CNBD1: variants seen among roughly 807,000 people sequenced by gnomAD.
CNBD1 encodes cyclic nucleotide binding domain containing 1.
Under a neutral mutation model 54.4 loss-of-function variants are expected in CNBD1, and 71 were observed. The ratio of observed to expected loss-of-function variants is 1.30; its 90% CI spans 1.08 to 1.59. The LOEUF is 1.59. Among genes scored for constraint, CNBD1 ranks in the 40% most tolerant of loss-of-function variants. The pLI, the probability that CNBD1 is intolerant of heterozygous loss-of-function variation, is 0.00. For synonymous variants in CNBD1, 182 were observed against 170.7 expected (o/e 1.07, Z -0.51); for missense variants, 659 against 518.0 (o/e 1.27, Z -2.64).
At chr8:87,364,543 G>T (rs957817852) in intron 10 of CNBD1, among the ~76,000 whole-genome samples, 2 of 151,500 alleles carry the variant, frequency 1.3e-5, no homozygotes, top group Non-Finnish European at 2.9e-5. Flanking sequence ...TGTTATATAG[G>T]TAAACTCATG....
intron 3 of CNBD1, among the ~76,000 whole-genome samples, chr8:86,917,336 A>C (rs1809203138): frequency 6.6e-6 from 1 of 152,158 alleles, no homozygotes; most frequent in South Asian, 2.1e-4. Context: ...TTAAAAAATA[A>C]CTTTTAGGTG....
At chr8:86,881,225 G>C (rs1808601702) in intron 1 of CNBD1, among the ~76,000 whole-genome samples, 1 of 152,138 alleles carries the variant, frequency 6.6e-6, no homozygotes, top group Non-Finnish European at 1.5e-5. Context: ...TAGTAAGAGA[G>C]GAAGTAAAAC....
intron 4 of CNBD1, among the ~76,000 whole-genome samples, chr8:87,036,638 C>T (rs902760441): frequency 4.7e-5 from 7 of 148,840 alleles, no homozygotes; most frequent in East Asian, 1.9e-4. Context: ...ACAGGTGTTC[C>T]GTATAGTTTT....
At chr8:87,009,443 G>A (rs1180270733) in intron 4 of CNBD1, among the ~76,000 whole-genome samples, 1 of 151,982 alleles carries the variant, frequency 6.6e-6, no homozygotes, top group Non-Finnish European at 1.5e-5. Flanking sequence ...TGAGACTACA[G>A]GCACGTGCCA....
chr8:87,184,197 C>T (rs1477340408), intron 4 of CNBD1, among the ~76,000 whole-genome samples: 1 of 152,124 alleles, frequency 6.6e-6, no homozygotes, highest in African/African-American at 2.4e-5. Flanking sequence ...CAAAAGTGCT[C>T]TGATAGGAAT....
At chr8:87,307,264 G>T (rs1809175891) in intron 8 of CNBD1, among the ~76,000 whole-genome samples, 2 of 152,140 alleles carry the variant, frequency 1.3e-5, no homozygotes. Context: ...CACAACTATT[G>T]TGAAGAACAC....
At chr8:87,406,668 TG>T (rs1807659011) in intron 2 of CNBD1, among the ~76,000 whole-genome samples, 1 of 151,964 alleles carries the variant, frequency 6.6e-6, no homozygotes, top group East Asian at 1.9e-4. Flanking sequence ...TTAGTAGAGA[TG>T]GGGTTTCACC....
intron 6 of CNBD1, among the ~76,000 whole-genome samples, chr8:87,282,631 G>A (rs1808620113): frequency 6.6e-6 from 1 of 151,736 alleles, no homozygotes; most frequent in Non-Finnish European, 1.5e-5. Context: ...AGGCGTATTG[G>A]AAGTTTTATA....
chr8:87,129,532 A>T (rs1238221780), intron 4 of CNBD1, among the ~76,000 whole-genome samples: 1 of 151,712 alleles, frequency 6.6e-6, no homozygotes, highest in African/African-American at 2.4e-5. Context: ...CTAAGACTCA[A>T]CTTTTGGTTT....
intron 4 of CNBD1, among the ~76,000 whole-genome samples, chr8:87,014,239 T>A (rs1227876603): frequency 6.7e-6 from 1 of 150,248 alleles, no homozygotes; most frequent in Non-Finnish European, 1.5e-5. Flanking sequence ...AAATTATCAG[T>A]AAATAATATC....
intron 2 of CNBD1, among the ~76,000 whole-genome samples, chr8:87,389,164 G>T (rs1367704035): frequency 6.6e-6 from 1 of 152,102 alleles, no homozygotes; most frequent in Non-Finnish European, 1.5e-5. Flanking sequence ...GGCAAAAACT[G>T]GAAGCATTCC....
intron 8 of CNBD1, among the ~76,000 whole-genome samples, chr8:87,322,084 G>A (rs1360863467): frequency 7.8e-6 from 1 of 128,972 alleles, no homozygotes; most frequent in Non-Finnish European, 1.7e-5. Flanking sequence ...ATAGTTTACT[G>A]AGAATGATGA....
intron 5 of CNBD1, among the ~76,000 whole-genome samples, chr8:87,215,743 T>TA: frequency 6.6e-6 from 1 of 152,300 alleles, no homozygotes; most frequent in East Asian, 1.9e-4. Flanking sequence ...TTAAGCCTTT[T>TA]AAAAAATTGG....
At chr8:86,932,836 T>A (rs901982950) in intron 3 of CNBD1, among the ~76,000 whole-genome samples, 1 of 152,172 alleles carries the variant, frequency 6.6e-6, no homozygotes, top group African/African-American at 2.4e-5. Flanking sequence ...TGTTCTGTTT[T>A]TTTTTTCTTC....
intron 4 of CNBD1, among the ~76,000 whole-genome samples, chr8:87,188,292 A>G (rs1207974352): frequency 6.6e-6 from 1 of 152,184 alleles, no homozygotes; most frequent in South Asian, 2.1e-4. Flanking sequence ...TTTCACATGC[A>G]TAAGTTGTGT....
chr8:87,004,284 T>C (rs1809050894), intron 4 of CNBD1, among the ~76,000 whole-genome samples: 1 of 152,172 alleles, frequency 6.6e-6, no homozygotes, highest in Non-Finnish European at 1.5e-5. Context: ...GCACTTCTCA[T>C]GGTGAAGGCA....
chr8:87,232,538 C>A (rs1807466131), intron 5 of CNBD1, among the ~76,000 whole-genome samples: 1 of 151,988 alleles, frequency 6.6e-6, no homozygotes, highest in South Asian at 2.1e-4. Flanking sequence ...ATGGGTGATT[C>A]TTATTTTTTC....
At chr8:87,216,250 T>A (rs1326404354) in intron 5 of CNBD1, among the ~76,000 whole-genome samples, 1 of 152,090 alleles carries the variant, frequency 6.6e-6, no homozygotes, top group Non-Finnish European at 1.5e-5. Flanking sequence ...AAAAGAGAAA[T>A]ACAAAAGAAA....
Position 87,353,728 on chromosome 8 carries a change from C to A in CNBD1, c.1245C>A (p.Cys415Ter), listed in dbSNP as rs767483669. 75 of 1,611,286 alleles carry A rather than the reference C, an allele frequency of 4.7e-5. 1 individual carries two copies. The highest frequency in any genetic ancestry group is 6.4e-5 in the Non-Finnish European group (75 of 1,178,618). Residue 415 changes from cysteine (C) to a stop codon, truncating the protein, a stop_gained, in exon 10 of 11, where the codon TGC (cysteine) becomes TGA (stop). Coordinates refer to ENST00000518476, the MANE Select transcript of CNBD1 (RefSeq NM_173538.3). LOFTEE classifies it high-confidence loss of function. ...ISVLLQVPFTCTIITKKEVEM... is the reference protein window; with the variant it reads ...ISVLLQVPFT ...TCCTTCTTCAAGTTCCTTTCACGTG[C>A]ACAATCATTACCAAAAAAGAAGTTG...
Sources: gnomAD v4.1 joint callset for allele counts (sites outside exome capture counted in the v4.1 genomes callset) on GRCh38, gnomAD v4.1.1 for gene constraint, MANE v1.5 for transcripts, NCBI Gene and HGNC (gene_info 2026-07-23, HGNC 2026-07-21) for gene names.